WDR89: variants seen among roughly 807,000 people sequenced by gnomAD.
WDR89 encodes the protein WD repeat-containing protein 89.
In WDR89, 17 loss-of-function variants were observed where a neutral mutation model predicts 29.1. The ratio of observed to expected loss-of-function variants is 0.58; its 90% confidence interval spans 0.40 to 0.88. WDR89 has a LOEUF of 0.88. Ranked by LOEUF, WDR89 falls within the 40% of genes least tolerant of loss-of-function variation. WDR89 has a pLI of 0.00. For synonymous variants in WDR89, 138 were observed against 157.8 expected, an observed-to-expected ratio of 0.87 and a Z score of 0.94; for missense variants, 396 against 456.3, an observed-to-expected ratio of 0.87 and a Z score of 1.20.
At chr14:63,630,196 C>T (rs144854104) in intron 1 of WDR89, among the ~76,000 whole-genome samples, 8,345 of 151,566 alleles carry the variant, frequency 0.055, 394 homozygotes, top group Non-Finnish European at 0.082. Flanking sequence ...GGTCCACCTG[C>T]CTCGGCCTCC....
intron 2 of WDR89, among the ~76,000 whole-genome samples, chr14:63,610,921 C>T (rs999481716): frequency 2.6e-5 from 4 of 151,636 alleles, no homozygotes; most frequent in Non-Finnish European, 4.4e-5. Flanking sequence ...AGGCTGGTCT[C>T]GAACTCCTGA....
chr14:63,626,948 G>A (rs1055107311), intron 1 of WDR89, among the ~76,000 whole-genome samples: 8 of 151,658 alleles, frequency 5.3e-5, no homozygotes, highest in Non-Finnish European at 1.2e-4. Context: ...AAGAGAACCC[G>A]TCCTTACAAA....
chr14:63,599,926 TC>T lies in WDR89; in HGVS notation c.16del (p.Glu6AsnfsTer13), dbSNP rs1403244667. On this transcript the variant is annotated frameshift_variant, in exon 3 of 3. Coordinates refer to ENST00000620954, the MANE Select transcript of WDR89 (RefSeq NM_080666.4). LOFTEE classifies it high-confidence loss of function. ...AACAATGTGCAGATTAGCAAATTGTTCCTCAATCTTTTCCATGTCAACAGCA... is the reference window on the plus strand; with the variant it reads ...AACAATGTGCAGATTAGCAAATTGTTCTCAATCTTTTCCATGTCAACAGCA... MEKIE[E>X]QFANLHIVKC... is the part of the protein sequence containing the mutation. 6.3e-7 allele frequency: 1 copy of T among 1,598,336 alleles called. No homozygotes were observed. Among genetic ancestry groups the T allele is most frequent in the Admixed American group, 1.7e-5 (1 of 58,592 alleles).
In WDR89 at chr14:63,602,883, T is replaced by C. The variant is rs377388386; in HGVS notation, c.-31-2910A>G. Among the ~76,000 whole-genome samples, 6 of 151,710 alleles carry C rather than the reference T, an allele frequency of 4.0e-5. No individual in the cohort carries two copies. In the East Asian group the frequency reaches 1.2e-3, roughly 29 times the overall value. ...CACAATTACATCAAACAGCAAAAAA[T>C]ATTAGTAAGTTGGATTTGGGTTTTT... On this transcript the variant is annotated intron_variant, in intron 2 of 2. Coordinates refer to ENST00000620954, the MANE Select transcript of WDR89 (RefSeq NM_080666.4).
intron 1 of WDR89, among the ~76,000 whole-genome samples, chr14:63,638,702 G>A (rs1006318811): frequency 6.6e-6 from 1 of 152,176 alleles, no homozygotes; most frequent in South Asian, 2.1e-4. Context: ...GCTCCAACCT[G>A]TGGTGACTTA....
At position 63,608,082 on chromosome 14, in the gene WDR89, T is replaced by C. The variant is rs185385134; in HGVS notation, c.-31-8109A>G. On this transcript the variant is annotated intron_variant, in intron 2 of 2. Coordinates refer to ENST00000620954, the MANE Select transcript of WDR89 (RefSeq NM_080666.4). ...TAAGCTGGGTGTGGTGGTGCATGCC[T>C]GTAATCCCAGCTACTCGGGAGGCTG... is the stretch of plus-strand genomic sequence containing the variant. Among the ~76,000 whole-genome samples, 833 of 143,032 alleles carry C rather than the reference T, an allele frequency of 5.8e-3. 9 individuals are homozygous for C. The highest frequency in any genetic ancestry group is 0.021 in the African/African-American group (795 of 38,572). 93.8% of individuals were successfully genotyped at this position (143,032 alleles called of 152,430 possible).
chr14:63,612,329 GT>G (rs554114500), intron 2 of WDR89, among the ~76,000 whole-genome samples: 4,496 of 139,972 alleles, frequency 0.032, 75 homozygotes, highest in African/African-American at 0.046. Context: ...AAAATTTCAA[GT>G]TTTTTTTTTT....
In WDR89 at chr14:63,628,397, C is replaced by G. The variant is rs530405298; in HGVS notation, c.-137-3364G>C. On this transcript the variant is annotated intron_variant, in intron 1 of 2. Transcript: ENST00000620954. Reference sequence around the variant, plus strand: ...ACTGTTATTCTTAGGCTGCAACATTCATTCATCATTTCAACTCAGCTATAA... The same window carrying G: ...ACTGTTATTCTTAGGCTGCAACATTGATTCATCATTTCAACTCAGCTATAA... 2.0e-5 allele frequency among the ~76,000 whole-genome samples: 3 copies of G among 152,292 alleles called. No homozygotes were observed. The South Asian group carries it at 6.2e-4, about 32-fold the overall frequency.
At chr14:63,630,461 G>C (rs1027993126) in intron 1 of WDR89, among the ~76,000 whole-genome samples, 1 of 151,540 alleles carries the variant, frequency 6.6e-6, no homozygotes, top group Non-Finnish European at 1.5e-5. Context: ...TGGCCAACAT[G>C]GTGAAACCCC....
intron 2 of WDR89, among the ~76,000 whole-genome samples, chr14:63,609,841 G>C (rs918161493): frequency 6.6e-6 from 1 of 151,936 alleles, no homozygotes; most frequent in Admixed American, 6.6e-5. Context: ...AAAAGCATAT[G>C]AACTTCAATA....
intron 1 of WDR89, among the ~76,000 whole-genome samples, chr14:63,641,129 A>G (rs1884100865): frequency 6.6e-6 from 1 of 151,768 alleles, no homozygotes; most frequent in African/African-American, 2.4e-5. Flanking sequence ...AAAGAAAAAG[A>G]AAAACAAAAA....
At chr14:63,601,540 T>C in intron 2 of WDR89, 1 of 1,568,316 alleles carries the variant, frequency 6.4e-7, no homozygotes. Context: ...TTTCTTCCAC[T>C]CTTTGACCGA....
intron 2 of WDR89, among the ~76,000 whole-genome samples, chr14:63,612,030 C>T (rs1001556555): frequency 1.3e-5 from 2 of 151,788 alleles, no homozygotes; most frequent in African/African-American, 2.4e-5. Context: ...GCCTGGCCAA[C>T]AAAAAATTTT....
intron 1 of WDR89, among the ~76,000 whole-genome samples, chr14:63,640,472 GGT>G (rs569497689): frequency 7.3e-4 from 110 of 151,316 alleles, no homozygotes; most frequent in African/African-American, 2.5e-3. Context: ...TTCACTTCTA[GGT>G]GTGTTTTATT....
At position 63,618,708 on chromosome 14, in the gene WDR89, A is replaced by C. The variant is rs565239325; in HGVS notation, c.-32+6220T>G. ...AGAAAAAAACAAACAAACAAACAAA[A>C]AAAACCTGAGTCTTCAGCAAAAAGG... On this transcript the variant is annotated intron_variant, in intron 2 of 2. Transcript: ENST00000620954. Among the ~76,000 whole-genome samples the C allele has an allele frequency of 4.5e-4, 68 of 152,268 alleles. 1 individual carries two copies. The highest frequency in any genetic ancestry group is 1.0e-3 in the African/African-American group (43 of 41,566).
In WDR89 at chr14:63,601,487, C is replaced by T. The variant is rs1396292729; in HGVS notation, c.-31-1514G>A. 49 of 1,276,070 alleles carry T rather than the reference C, an allele frequency of 3.8e-5. No homozygotes were observed. The South Asian group carries it at 4.2e-4, about 11-fold the overall frequency. 79.0% of individuals were successfully genotyped at this position (1,276,070 alleles called of 1,614,324 possible). On this transcript the variant is annotated intron_variant, in intron 2 of 2. Transcript: ENST00000620954. The stretch of plus-strand genomic sequence containing the variant: ...AAATTCTTGACACTAGAGCAGAGTA[C>T]GAGTCTGAGGTGGAGGGAGTCATGG...
At chr14:63,639,664 G>A (rs550884990) in intron 1 of WDR89, among the ~76,000 whole-genome samples, 4 of 152,116 alleles carry the variant, frequency 2.6e-5, no homozygotes, top group East Asian at 3.8e-4. Context: ...TTTCTACCAA[G>A]TAAATGAAAA....
At chr14:63,609,560 G>T (rs777726567) in intron 2 of WDR89, among the ~76,000 whole-genome samples, 2 of 152,110 alleles carry the variant, frequency 1.3e-5, no homozygotes, top group Non-Finnish European at 2.9e-5. Flanking sequence ...AAGCCGAGGC[G>T]GGCGGATCAC....
chr14:63,599,474 T>C lies in WDR89; in HGVS notation c.469A>G (p.Thr157Ala). ...TATGCACCAAGTGAGTCTTTAGTTGTAGATAAATTCTGAGAATTCATCCTT... is the reference window on the plus strand; with the variant it reads ...TATGCACCAAGTGAGTCTTTAGTTGCAGATAAATTCTGAGAATTCATCCTT... ...DARMNSQNLS[T>A]TKDSLGAYSE... is the part of the protein sequence containing the mutation. Residue 157 changes from threonine (T) to alanine (A), a missense_variant, in exon 3 of 3, where the codon ACA (threonine) becomes GCA (alanine). Coordinates refer to ENST00000620954, the MANE Select transcript of WDR89 (RefSeq NM_080666.4). The C allele has an allele frequency of 6.2e-7, 1 of 1,614,220 alleles. No individual in the cohort carries two copies. The highest frequency in any genetic ancestry group is 8.5e-7 in the Non-Finnish European group (1 of 1,180,034).
Sources: gnomAD v4.1 joint callset for allele counts (sites outside exome capture counted in the v4.1 genomes callset) on GRCh38, gnomAD v4.1.1 for gene constraint, MANE v1.5 for transcripts, NCBI Gene and HGNC (gene_info 2026-07-23, HGNC 2026-07-21) for gene names.